Variants in PBX3 observed in about 807,000 individuals in gnomAD.
PBX3 encodes the protein pre-B-cell leukemia transcription factor 3.
PBX3 carries 14 observed loss-of-function variants against 48.5 expected under a neutral mutation model. The ratio of observed to expected loss-of-function variants is 0.29; its 90% CI spans 0.19 to 0.45. The LOEUF is 0.45. Among genes scored for constraint, PBX3 ranks in the 20% least tolerant of loss-of-function variants. PBX3 has a pLI of 1.00. For missense variants in PBX3, 386 were observed against 546.7 expected, an observed-to-expected ratio of 0.71 and a Z score of 2.93; for synonymous variants, 210 against 200.3, an observed-to-expected ratio of 1.05 and a Z score of -0.41.
At chr9:125,801,592 G>A (rs747370601) in intron 2 of PBX3, among the ~76,000 whole-genome samples, 5 of 151,890 alleles carry the variant, frequency 3.3e-5, no homozygotes, top group Admixed American at 6.6e-5. Context: ...AAGATTTTTT[G>A]CAGAAATTTC....
At chr9:125,846,505 G>C (rs1002163931) in intron 2 of PBX3, among the ~76,000 whole-genome samples, 4 of 151,972 alleles carry the variant, frequency 2.6e-5, no homozygotes, top group Non-Finnish European at 5.9e-5. Flanking sequence ...GGTTACCACT[G>C]CAATATTCTC....
intron 2 of PBX3, among the ~76,000 whole-genome samples, chr9:125,786,472 G>T (rs539342099): frequency 2.3e-4 from 35 of 152,244 alleles, no homozygotes; most frequent in South Asian, 1.5e-3. Context: ...ATTAGATAGC[G>T]ATTAGGAGGT....
At position 125,944,382 on chromosome 9, in the gene PBX3, T is replaced by C. The variant is rs564520579; in HGVS notation, c.843+8775T>C. Among the ~76,000 whole-genome samples the C allele has an allele frequency of 1.4e-4, 21 of 152,334 alleles. No homozygotes were observed. The South Asian group carries it at 4.1e-3, about 30-fold the overall frequency. On this transcript the variant is annotated intron_variant, in intron 5 of 8. Transcript: ENST00000373489. Reference sequence around the variant, plus strand: ...TTGGCTATTTTCTTAATTTGCTCAATAGGTACTTAGTGCCTACTATATGTC... The same window carrying C: ...TTGGCTATTTTCTTAATTTGCTCAACAGGTACTTAGTGCCTACTATATGTC...
Position 125,748,534 on chromosome 9 carries a change from G to C in PBX3, c.201-16G>C, listed in dbSNP as rs1453619132. ...GGTGATGCTAATACCTTTGTGTTTC[G>C]TTATTTGTTTTTTAGGAAACATGCC... is the stretch of plus-strand genomic sequence containing the variant. On this transcript the variant is annotated splice_polypyrimidine_tract_variant and intron_variant, in intron 1 of 8. Transcript: ENST00000373489. The C allele has an allele frequency of 1.9e-6, 3 of 1,612,816 alleles. No homozygotes were observed. The highest frequency in any genetic ancestry group is 1.7e-4 in the Middle Eastern group (1 of 6,056).
chr9:125,886,541 AACGGGTAAATTACAGTCATTT>A (rs1427288218), intron 2 of PBX3, among the ~76,000 whole-genome samples: 1 of 152,190 alleles, frequency 6.6e-6, no homozygotes, highest in Non-Finnish European at 1.5e-5. Flanking sequence ...AAGGGAATTC[AACGGGTAAATTACAGTCATTT>A]ACTGGGAGTG....
intron 2 of PBX3, among the ~76,000 whole-genome samples, chr9:125,833,057 A>G (rs1839011823): frequency 6.6e-6 from 1 of 152,192 alleles, no homozygotes; most frequent in Non-Finnish European, 1.5e-5. Context: ...GTAGCATGCA[A>G]CTTGGTTTAA....
At chr9:125,939,087 C>T (rs1329861809) in intron 5 of PBX3, among the ~76,000 whole-genome samples, 3 of 152,016 alleles carry the variant, frequency 2.0e-5, no homozygotes, top group African/African-American at 7.2e-5. Context: ...AGGGCATATA[C>T]AAATATTCTT....
intron 2 of PBX3, among the ~76,000 whole-genome samples, chr9:125,886,694 G>C (rs1317988518): frequency 6.6e-6 from 1 of 152,146 alleles, no homozygotes; most frequent in Non-Finnish European, 1.5e-5. Flanking sequence ...ATTCACATAA[G>C]AGTTTTATGA....
chr9:125,889,644 A>C (rs1313347649), intron 2 of PBX3, among the ~76,000 whole-genome samples: 1 of 152,062 alleles, frequency 6.6e-6, no homozygotes, highest in South Asian at 2.1e-4. Context: ...GTGTCGCACA[A>C]AAGTAAACCC....
At chr9:125,781,018 C>T (rs1271767825) in intron 2 of PBX3, among the ~76,000 whole-genome samples, 23 of 113,978 alleles carry the variant, frequency 2.0e-4, no homozygotes, top group South Asian at 6.4e-4. Context: ...CGGGCAGAGA[C>T]GCTCCTCACT....
intron 2 of PBX3, among the ~76,000 whole-genome samples, chr9:125,878,523 A>T (rs1466409750): frequency 6.6e-6 from 1 of 152,214 alleles, no homozygotes; most frequent in Non-Finnish European, 1.5e-5. Context: ...GAACTGCAGG[A>T]GGTAGCCAGC....
rs117313532 is a variant in PBX3, at chr9:125,895,925, A to C, written c.275-19761A>C. ...TTAAAGTTCAGTTTAATTCTCAGAT[A>C]AGGTTTTCCTGGACACATATCATTT... On this transcript the variant is annotated intron_variant, in intron 2 of 8. Coordinates refer to ENST00000373489, the MANE Select transcript of PBX3 (RefSeq NM_006195.6). Among the ~76,000 whole-genome samples, 880 of 152,138 alleles carry C rather than the reference A, an allele frequency of 5.8e-3. 3 individuals are homozygous for C. The highest frequency in any genetic ancestry group is 9.0e-3 in the Non-Finnish European group (611 of 67,904).
intron 2 of PBX3, among the ~76,000 whole-genome samples, chr9:125,773,690 TGAGA>T (rs1457136675): frequency 1.3e-5 from 2 of 152,102 alleles, no homozygotes; most frequent in South Asian, 2.1e-4. Flanking sequence ...GTTTTCCACC[TGAGA>T]GAGAGAGTAG....
At chr9:125,914,926 G>A (rs2132465244) in intron 2 of PBX3, among the ~76,000 whole-genome samples, 1 of 152,254 alleles carries the variant, frequency 6.6e-6, no homozygotes, top group South Asian at 2.1e-4. Flanking sequence ...CTCAGAAGAG[G>A]TTGCTGACTG....
intron 2 of PBX3, among the ~76,000 whole-genome samples, chr9:125,862,508 T>C (rs879690126): frequency 7.9e-5 from 12 of 152,056 alleles, no homozygotes; most frequent in Non-Finnish European, 1.8e-4. Flanking sequence ...TGCCTCAGCC[T>C]CCTAAGTAGC....
intron 8 of PBX3, among the ~76,000 whole-genome samples, chr9:125,965,105 A>T (rs941318884): frequency 3.3e-5 from 5 of 152,222 alleles, no homozygotes; most frequent in Non-Finnish European, 7.3e-5. Flanking sequence ...CACAGCAGAA[A>T]TCTGATCAGA....
intron 2 of PBX3, among the ~76,000 whole-genome samples, chr9:125,769,585 G>A (rs60305463): frequency 0.036 from 5,494 of 152,224 alleles, 345 homozygotes; most frequent in African/African-American, 0.12. Context: ...TCCTCTTAGC[G>A]TATTTGTTAA....
At chr9:125,834,850 T>C (rs1025962794) in intron 2 of PBX3, among the ~76,000 whole-genome samples, 4 of 149,744 alleles carry the variant, frequency 2.7e-5, no homozygotes, top group Non-Finnish European at 5.9e-5. Flanking sequence ...ACCCCGTCTC[T>C]ACCAAAAATA....
chr9:125,878,355 A>T (rs1840304207), intron 2 of PBX3, among the ~76,000 whole-genome samples: 1 of 152,208 alleles, frequency 6.6e-6, no homozygotes, highest in African/African-American at 2.4e-5. Context: ...AATAAGAAAG[A>T]TGACATTTGG....
Sources: gnomAD v4.1 joint callset for allele counts (sites outside exome capture counted in the v4.1 genomes callset) on GRCh38, gnomAD v4.1.1 for gene constraint, MANE v1.5 for transcripts, NCBI Gene and HGNC (gene_info 2026-07-23, HGNC 2026-07-21) for gene names.